Variants in ATAD2B observed in about 807,000 individuals in gnomAD.
ATAD2B encodes ATPase family AAA domain containing 2B.
In ATAD2B, 40 loss-of-function variants were observed where a neutral mutation model predicts 167.6. The ratio of observed to expected loss-of-function variants is 0.24; its 90% confidence interval spans 0.19 to 0.31. ATAD2B has a LOEUF of 0.31. ATAD2B is among the 10% of genes least tolerant of loss of function. ATAD2B has a pLI of 1.00. For synonymous variants in ATAD2B, 579 were observed against 596.5 expected (o/e 0.97, Z 0.43); for missense variants, 1,242 against 1,757.2 (o/e 0.71, Z 5.24).
At chr2:23,769,711 G>GATTTTTTTTTTTTTTT (rs199842019) in intron 22 of ATAD2B, among the ~76,000 whole-genome samples, 2 of 129,836 alleles carry the variant, frequency 1.5e-5, no homozygotes, top group African/African-American at 2.7e-5. Flanking sequence ...TCTCACTGTG[G>GATTTTTTTTTTTTTTT]GTTTTTTTTT....
At chr2:23,809,486 G>A (rs929465992) in intron 18 of ATAD2B, among the ~76,000 whole-genome samples, 5 of 152,026 alleles carry the variant, frequency 3.3e-5, no homozygotes, top group African/African-American at 4.8e-5. Context: ...TTAAGTATTC[G>A]GAAAATGTAA....
intron 15 of ATAD2B, 84 bp from the exon 16 acceptor site, chr2:23,823,653 G>T: frequency 8.1e-7 from 1 of 1,230,302 alleles, no homozygotes; most frequent in Non-Finnish European, 1.1e-6. Flanking sequence ...CACATCTTTA[G>T]CTAAAGTCAT....
chr2:23,760,723 CACACACATAT>C (rs1408296002), intron 24 of ATAD2B, among the ~76,000 whole-genome samples: 4 of 141,734 alleles, frequency 2.8e-5, no homozygotes, highest in Admixed American at 7.3e-5. Flanking sequence ...CACACACACA[CACACACATAT>C]ACACACACAC....
At chr2:23,722,518 T>C in the ATAD2B span, among the ~76,000 whole-genome samples, 3 of 151,976 alleles carry the variant, frequency 2.0e-5, no homozygotes, top group Non-Finnish European at 4.4e-5. Context: ...ACAGGTCTTT[T>C]GAAATAACAC....
chr2:23,888,249 G>T, intron 3 of ATAD2B, 101 bp downstream of exon 3: 2 of 851,596 alleles, frequency 2.3e-6, no homozygotes, highest in Non-Finnish European at 1.8e-6. Flanking sequence ...CCAACTGTAT[G>T]CTCAGCACAC....
At chr2:23,910,668 GAC>G (rs916188904) in intron 1 of ATAD2B, among the ~76,000 whole-genome samples, 2 of 145,610 alleles carry the variant, frequency 1.4e-5, no homozygotes, top group Admixed American at 1.4e-4. Context: ...AGAAGTTTGA[GAC>G]CAGCCTGACC....
At chr2:23,766,372 C>G (rs1677410502) in intron 22 of ATAD2B, among the ~76,000 whole-genome samples, 1 of 152,148 alleles carries the variant, frequency 6.6e-6, no homozygotes, top group Non-Finnish European at 1.5e-5. Context: ...AATATTCTAA[C>G]AGTATCAAGA....
At chr2:23,843,026 T>C (rs545386250) in intron 13 of ATAD2B, among the ~76,000 whole-genome samples, 4 of 152,248 alleles carry the variant, frequency 2.6e-5, no homozygotes, top group African/African-American at 9.6e-5. Flanking sequence ...GAAAACCAAG[T>C]GGGTCTAACA....
At chr2:23,745,717 C>T (rs949612651), downstream of ATAD2B, among the ~76,000 whole-genome samples, 3 of 152,182 alleles carry the variant, frequency 2.0e-5, no homozygotes, top group Non-Finnish European at 4.4e-5. Context: ...TGTAATAATA[C>T]CTGGCACTCA....
chr2:23,737,280 TAACTGGGAGGCACTCCCAGTAG>T, the ATAD2B span, among the ~76,000 whole-genome samples: 4 of 152,152 alleles, frequency 2.6e-5, no homozygotes, highest in Non-Finnish European at 5.9e-5. Flanking sequence ...CCGAGTACCC[TAACTGGGAGGCACTCCCAGTAG>T]GAGCGGACTG....
At chr2:23,911,813 A>AAT (rs1702349983) in intron 1 of ATAD2B, among the ~76,000 whole-genome samples, 1 of 151,896 alleles carries the variant, frequency 6.6e-6, no homozygotes, top group Non-Finnish European at 1.5e-5. Flanking sequence ...TGTCTCTACT[A>AAT]AAAATACAAA....
chr2:23,837,574 A>C (rs1690207518), intron 13 of ATAD2B, among the ~76,000 whole-genome samples: 1 of 152,206 alleles, frequency 6.6e-6, no homozygotes, highest in Non-Finnish European at 1.5e-5. Context: ...GCTCCGTGGA[A>C]TGTGCAGCCC....
At chr2:23,883,516 T>C in intron 6 of ATAD2B, 1 of 763,282 alleles carries the variant, frequency 1.3e-6, no homozygotes, top group Non-Finnish European at 1.9e-6. Context: ...TTTCTAAATA[T>C]GGCATATCTA....
At chr2:23,841,251 T>A (rs139780007) in intron 13 of ATAD2B, among the ~76,000 whole-genome samples, 2 of 152,104 alleles carry the variant, frequency 1.3e-5, no homozygotes, top group East Asian at 3.9e-4. Flanking sequence ...AATTGTTATA[T>A]CTTCTAGTAA....
chr2:23,882,986 G>A (rs1013079537), intron 6 of ATAD2B, among the ~76,000 whole-genome samples: 1 of 151,598 alleles, frequency 6.6e-6, no homozygotes, highest in Non-Finnish European at 1.5e-5. Context: ...GACTAAAACT[G>A]CAAAGGGCTG....
chr2:23,810,214 C>A (rs974922398), intron 18 of ATAD2B, 102 bp downstream of exon 18: 1 of 1,010,560 alleles, frequency 9.9e-7, no homozygotes, highest in Non-Finnish European at 1.4e-6. Flanking sequence ...ATATTCATAT[C>A]GTACTCTGAA....
At chr2:23,878,879 G>A (rs561948376) in intron 7 of ATAD2B, among the ~76,000 whole-genome samples, 16 of 151,862 alleles carry the variant, frequency 1.1e-4, no homozygotes, top group Non-Finnish European at 1.8e-4. Context: ...GATCTGAACA[G>A]ACATTTTACC....
the ATAD2B span, among the ~76,000 whole-genome samples, chr2:23,742,230 T>C: frequency 6.6e-6 from 1 of 152,206 alleles, no homozygotes; most frequent in Non-Finnish European, 1.5e-5. Flanking sequence ...TTATAAATCA[T>C]GCTGCTATAA....
chr2:23,732,294 T>C, the ATAD2B span, among the ~76,000 whole-genome samples: 1 of 152,196 alleles, frequency 6.6e-6, no homozygotes. Context: ...AGGGGGAATT[T>C]GTAGATTAAG....
Sources: allele counts gnomAD v4.1 joint callset (sites outside exome capture counted in the v4.1 genomes callset), GRCh38; gene constraint gnomAD v4.1.1; transcripts MANE v1.5; gene names NCBI Gene and HGNC (gene_info 2026-07-23, HGNC 2026-07-21).